GBP7: variants seen among roughly 807,000 people sequenced by gnomAD.
The protein encoded by GBP7 is guanylate-binding protein 7.
A neutral mutation model predicts 61.3 loss-of-function variants in GBP7; 43 were observed. That is an observed-to-expected ratio of 0.70 (90% confidence interval 0.55 to 0.91). The LOEUF (loss-of-function observed/expected upper bound fraction) is 0.91, where lower values mean the gene tolerates loss of function less well. Ranked by LOEUF, GBP7 falls within the 40% of genes least tolerant of loss-of-function variation. The pLI is 0.00. For missense variants in GBP7, 717 were observed against 740.5 expected (o/e 0.97, Z 0.37); for synonymous variants, 267 against 271.0 (o/e 0.99, Z 0.14).
intron 9 of GBP7, among the ~76,000 whole-genome samples, chr1:89,138,005 T>C (rs1681847252): frequency 6.6e-6 from 1 of 151,994 alleles, no homozygotes. Context: ...ACACCAATAA[T>C]GTCCAAGCTG....
chr1:89,156,023 A>G (rs965987014), intron 3 of GBP7, among the ~76,000 whole-genome samples: 1 of 152,226 alleles, frequency 6.6e-6, no homozygotes, highest in Non-Finnish European at 1.5e-5. Context: ...CAGAAACTCT[A>G]CAAGCCAGAA....
intron 1 of GBP7, among the ~76,000 whole-genome samples, chr1:89,175,206 A>G (rs534067319): frequency 5.3e-5 from 8 of 152,310 alleles, no homozygotes; most frequent in South Asian, 2.1e-4. Context: ...TGTTTCCACT[A>G]TAGAGTTGGT....
At chr1:89,153,738 G>A (rs1388798172) in intron 3 of GBP7, among the ~76,000 whole-genome samples, 2 of 152,010 alleles carry the variant, frequency 1.3e-5, no homozygotes, top group Non-Finnish European at 2.9e-5. Flanking sequence ...AAACAAAACA[G>A]ACAACAATCC....
intron 8 of GBP7, 47 bp from the exon 9 acceptor site, chr1:89,141,695 T>C (rs554738227): frequency 2.1e-6 from 3 of 1,423,316 alleles, no homozygotes. Context: ...GCAGAAATCT[T>C]GTCTTGTGAT....
chr1:89,131,976 C>T lies in GBP7; in HGVS notation c.*173G>A. On this transcript the variant is annotated 3_prime_UTR_variant, in exon 11 of 11. Transcript: ENST00000294671. The stretch of plus-strand genomic sequence containing the variant: ...ATAATTTTATCTTCTAACTTGTTCC[C>T]CATTTCTATTAATTATTACTTTAGT... 2.1e-6 allele frequency: 1 copy of T among 468,746 alleles called. No individual in the cohort carries two copies. Among genetic ancestry groups the T allele is most frequent in the Non-Finnish European group, 3.7e-6 (1 of 269,766 alleles). The allele number at this position is 468,746 out of a possible 1,614,324, so 29.0% of individuals were successfully genotyped here. A position where few individuals can be genotyped will look rare whatever the true frequency, so the allele number is the denominator to read the frequency against.
At chr1:89,136,833 A>G (rs1471318967) in intron 9 of GBP7, among the ~76,000 whole-genome samples, 1 of 152,142 alleles carries the variant, frequency 6.6e-6, no homozygotes, top group African/African-American at 2.4e-5. Context: ...AAGTGGAGAC[A>G]AGAAAAACCA....
At chr1:89,170,993 C>T (rs564469586) in intron 2 of GBP7, among the ~76,000 whole-genome samples, 2 of 152,310 alleles carry the variant, frequency 1.3e-5, no homozygotes, top group African/African-American at 2.4e-5. Context: ...CATCAACTGG[C>T]GTATATGTCT....
chr1:89,170,670 G>A (rs1246012504), intron 2 of GBP7, among the ~76,000 whole-genome samples: 1 of 152,232 alleles, frequency 6.6e-6, no homozygotes, highest in East Asian at 1.9e-4. Flanking sequence ...AAAGTTGTCA[G>A]AAGCAAAATG....
rs1682026441 is a variant in GBP7, at chr1:89,144,704, C to T, written c.1365+2863G>A. Among the ~76,000 whole-genome samples the T allele has an allele frequency of 2.0e-5, 3 of 152,080 alleles. No homozygotes were observed. In the South Asian group the frequency reaches 6.2e-4, roughly 32 times the overall value. ...GATTATTATAATCAAGCTAATATAT[C>T]TGCACCTCATGCAGTTATCTTTTTT... On this transcript the variant is annotated intron_variant, in intron 8 of 10. Coordinates refer to ENST00000294671, the MANE Select transcript of GBP7 (RefSeq NM_207398.3).
chr1:89,135,782 A>G (rs1681786761), intron 9 of GBP7, among the ~76,000 whole-genome samples: 1 of 151,994 alleles, frequency 6.6e-6, no homozygotes, highest in Non-Finnish European at 1.5e-5. Flanking sequence ...GCAATAACAC[A>G]ATCAAGTGTG....
intron 8 of GBP7, among the ~76,000 whole-genome samples, chr1:89,145,673 T>G (rs1270774181): frequency 1.3e-5 from 2 of 152,164 alleles, no homozygotes; most frequent in Non-Finnish European, 2.9e-5. Context: ...TACATTTCTA[T>G]GCACTAAGAA....
chr1:89,132,269 C>T lies in GBP7; in HGVS notation c.1797G>A (p.Val599=), dbSNP rs1281523723. The change falls in exon 11 of 11, where the codon GTG becomes GTA. Residue 599 remains valine (V), a synonymous_variant. Coordinates refer to ENST00000294671, the MANE Select transcript of GBP7 (RefSeq NM_207398.3). ...GTGCTGCAATAAATATACTGCCAGC[C>T]ACATCAAGAATCTGTGAAAACACTG... ...EPSVFSQILD[V]AGSIFIAALP... The T allele has an allele frequency of 6.2e-7, 1 of 1,613,928 alleles. No homozygotes were observed. Among genetic ancestry groups the T allele is most frequent in the African/African-American group, 1.3e-5 (1 of 74,940 alleles).
chr1:89,135,778 A>T lies in GBP7; in HGVS notation c.1469-2327T>A, dbSNP rs1331500389. Among the ~76,000 whole-genome samples the T allele has an allele frequency of 2.6e-5, 4 of 152,162 alleles. No homozygotes were observed. The East Asian group carries it at 7.7e-4, about 29-fold the overall frequency. The stretch of plus-strand genomic sequence containing the variant: ...GGATCATTGACACTACAGAGCAATA[A>T]CACAATCAAGTGTGGATCAAATCCA... On this transcript the variant is annotated intron_variant, in intron 9 of 10. Coordinates refer to ENST00000294671, the MANE Select transcript of GBP7 (RefSeq NM_207398.3).
chr1:89,144,516 C>T (rs576939533), intron 8 of GBP7, among the ~76,000 whole-genome samples: 8 of 152,238 alleles, frequency 5.3e-5, no homozygotes, highest in African/African-American at 1.4e-4. Context: ...TATAAGCGTT[C>T]CCTTTTCTCT....
chr1:89,159,198 T>TA (rs1047258659), intron 3 of GBP7, among the ~76,000 whole-genome samples: 1 of 152,064 alleles, frequency 6.6e-6, no homozygotes, highest in Admixed American at 6.5e-5. Context: ...TTACACCTTA[T>TA]AAAAAAATTA....
chr1:89,159,327 A>G (rs907318155), intron 3 of GBP7, among the ~76,000 whole-genome samples: 4 of 152,352 alleles, frequency 2.6e-5, no homozygotes, highest in Non-Finnish European at 5.9e-5. Context: ...TAAAACACCA[A>G]AAGCAATGGC....
intron 9 of GBP7, among the ~76,000 whole-genome samples, chr1:89,140,754 T>C (rs907084625): frequency 2.0e-5 from 3 of 152,206 alleles, no homozygotes; most frequent in Admixed American, 1.3e-4. Context: ...AATGTGCATG[T>C]TCATCGGTGC....
chr1:89,133,398 T>C lies in GBP7; in HGVS notation c.1522A>G (p.Lys508Glu), dbSNP rs1166821628. 14 of 1,614,032 alleles carry C rather than the reference T, an allele frequency of 8.7e-6. No homozygotes were observed. Among genetic ancestry groups the C allele is most frequent in the Non-Finnish European group, 1.2e-5 (14 of 1,180,016 alleles). The stretch of plus-strand genomic sequence containing the variant: ...ATCATTTGCTGCTGTTCCTTCTGTT[T>C]TTGTCTTAGCAGCTCCTGTTCCTTT... ...AEKEQELLRQ[K>E]QKEQQQMMEA... The change falls in exon 10 of 11, where the codon AAA (lysine) becomes GAA (glutamate). Residue 508 changes from lysine to glutamate, a missense_variant. Coordinates refer to ENST00000294671, the MANE Select transcript of GBP7 (RefSeq NM_207398.3).
At chr1:89,169,975 T>C (rs993363844) in intron 2 of GBP7, among the ~76,000 whole-genome samples, 1 of 152,224 alleles carries the variant, frequency 6.6e-6, no homozygotes, top group Non-Finnish European at 1.5e-5. Flanking sequence ...GTTGGATCTG[T>C]CATGCCAATC....
Sources: gnomAD v4.1 joint callset for allele counts (sites outside exome capture counted in the v4.1 genomes callset) on GRCh38, gnomAD v4.1.1 for gene constraint, MANE v1.5 for transcripts, NCBI Gene and HGNC (gene_info 2026-07-23, HGNC 2026-07-21) for gene names.